The following PXDN variants were observed in gnomAD, a reference collection of about 807,000 sequenced individuals.
PXDN encodes peroxidasin homolog.
PXDN carries 77 observed loss-of-function variants against 140.3 expected under a neutral mutation model. That is an observed-to-expected ratio of 0.55 (90% CI 0.46 to 0.66). PXDN has a LOEUF of 0.66. Ranked by LOEUF, PXDN falls within the 30% of genes least tolerant of loss-of-function variation. PXDN has a pLI of 0.00. For missense variants in PXDN, 1,838 were observed against 2,039.5 expected, an observed-to-expected ratio of 0.90 and a Z score of 1.90; for synonymous variants, 911 against 857.4, an observed-to-expected ratio of 1.06 and a Z score of -1.09.
At chr2:1,729,422 C>G (rs944319823) in intron 1 of PXDN, among the ~76,000 whole-genome samples, 1 of 152,144 alleles carries the variant, frequency 6.6e-6, no homozygotes, top group African/African-American at 2.4e-5. Flanking sequence ...AGTCAGTCAC[C>G]ACTGCTCAGC....
At chr2:1,634,710 G>A (rs550490395) in intron 22 of PXDN, among the ~76,000 whole-genome samples, 1 of 152,168 alleles carries the variant, frequency 6.6e-6, no homozygotes, top group South Asian at 2.1e-4. Flanking sequence ...ACTAGAGAGA[G>A]GGGGGAAGGG....
At chr2:1,720,731 C>A (rs2125480497) in intron 1 of PXDN, among the ~76,000 whole-genome samples, 1 of 147,154 alleles carries the variant, frequency 6.8e-6, no homozygotes, top group Admixed American at 6.7e-5. Context: ...CTCTCACACA[C>A]ACACACACAC....
At chr2:1,654,335 T>A in intron 15 of PXDN, 65 bp downstream of exon 15, 2 of 1,130,122 alleles carry the variant, frequency 1.8e-6, no homozygotes, top group Non-Finnish European at 2.6e-6. Flanking sequence ...CATTCTTTAA[T>A]CACTCCCACC....
chr2:1,658,072 C>T (rs1331498770), intron 14 of PXDN, among the ~76,000 whole-genome samples: 1 of 95,548 alleles, frequency 1.0e-5, no homozygotes, highest in Non-Finnish European at 2.2e-5. Flanking sequence ...CTCTCTCTCT[C>T]TCTCTCTCTC....
chr2:1,643,550 A>G lies in PXDN; in HGVS notation c.3770T>C (p.Phe1257Ser), dbSNP rs1682778519. ...DRLWYENPGV[F>S]SPAQLTQIKQ... is the part of the protein sequence containing the mutation. ...GATCTGAGTCAGCTGGGCCGGGGAG[A>G]ACACCCCAGGGTTCTCATACCACAA... Residue 1257 changes from phenylalanine to serine, a missense_variant, in exon 19 of 23, where the codon TTC becomes TCC. By Grantham distance (155) the Phe-to-Ser change is radical. This residue lies in a region of PXDN where 850 missense variants were observed against 894.1 expected (regional missense o/e 0.95). Coordinates refer to ENST00000252804, the MANE Select transcript of PXDN (RefSeq NM_012293.3). The G allele has an allele frequency of 6.2e-7, 1 of 1,613,724 alleles. No individual in the cohort carries two copies. Among genetic ancestry groups the G allele is most frequent in the South Asian group, 1.1e-5 (1 of 91,072 alleles).
In PXDN at chr2:1,744,242, C is replaced by A. The variant is rs544702948; in HGVS notation, c.200+14G>T. ...CCCGGACCCCGCGCCCCCGGCGTCC[C>A]CCGCGGCACTCACAGGATGGAGGTC... On this transcript the variant is annotated intron_variant, in intron 1 of 22. Coordinates refer to ENST00000252804, the MANE Select transcript of PXDN (RefSeq NM_012293.3). The A allele has an allele frequency of 1.4e-6, 2 of 1,478,278 alleles. No homozygotes were observed. The highest frequency in any genetic ancestry group is 2.9e-5 in the African/African-American group (2 of 68,554). The allele number at this position is 1,478,278 out of a possible 1,614,324, so 91.6% of individuals were successfully genotyped here.
chr2:1,648,843 G>A lies in PXDN; in HGVS notation c.2937C>T (p.Asn979=). 1 of 1,601,024 alleles carries A rather than the reference G, an allele frequency of 6.2e-7. No individual in the cohort carries two copies. The highest frequency in any genetic ancestry group is 8.5e-7 in the Non-Finnish European group (1 of 1,176,472). ...GCATGCTGGTCAGGCCCAGCTGCTCGTTGGCGCGGTGGTCCCCGGCCAGGA... is the reference window on the plus strand; with the variant it reads ...GCATGCTGGTCAGGCCCAGCTGCTCATTGGCGCGGTGGTCCCCGGCCAGGA... The part of the protein sequence containing the change: ...PCFLAGDHRA[N]EQLGLTSMHT... The change falls in exon 17 of 23, where the codon AAC becomes AAT. Residue 979 remains asparagine (N), a synonymous_variant. Coordinates refer to ENST00000252804, the MANE Select transcript of PXDN (RefSeq NM_012293.3). The surrounding 1 kb of genome is among the most constrained non-coding windows in gnomAD (Gnocchi z 8.9).
chr2:1,653,355 T>C (rs946804575), intron 16 of PXDN: 2 of 462,074 alleles, frequency 4.3e-6, no homozygotes, highest in Non-Finnish European at 4.1e-6. Flanking sequence ...CTGGCCAGGA[T>C]GGCATAACCC....
At chr2:1,741,168 A>G (rs977757923) in intron 1 of PXDN, among the ~76,000 whole-genome samples, 2 of 152,126 alleles carry the variant, frequency 1.3e-5, no homozygotes, top group African/African-American at 4.8e-5. Context: ...CGTGACCGTG[A>G]AGAAGAATGT....
At chr2:1,741,591 G>A (rs1343397945) in intron 1 of PXDN, among the ~76,000 whole-genome samples, 2 of 152,106 alleles carry the variant, frequency 1.3e-5, no homozygotes, top group Non-Finnish European at 2.9e-5. Flanking sequence ...CACACTCCTG[G>A]AGCATTTGAG....
At chr2:1,656,135 A>G (rs912015267) in intron 14 of PXDN, among the ~76,000 whole-genome samples, 7 of 151,810 alleles carry the variant, frequency 4.6e-5, no homozygotes, top group African/African-American at 1.7e-4. Flanking sequence ...ACACAAACAC[A>G]CAACATACAC....
chr2:1,692,713 A>T (rs1329016423), intron 2 of PXDN: 1 of 436,614 alleles, frequency 2.3e-6, no homozygotes, highest in East Asian at 6.3e-5. Flanking sequence ...TGTCCTGCTC[A>T]ATCTTGCCAC....
rs376058666 is a variant in PXDN at position 1,660,946 on chromosome 2, C to T, written c.1772G>A (p.Arg591His). ...GGTGTTCCGGGCCACACACTCATAG[C>T]GACCTGCGTCTGCAGGGCCAACGTC... ...INDVGPADAGRYECVARNTIG... is the reference protein window; with the variant it reads ...INDVGPADAGHYECVARNTIG... Residue 591 changes from arginine to histidine, a missense_variant, in exon 14 of 23, where the codon CGC (arginine) becomes CAC (histidine). Transcript: ENST00000252804. This position sits in a 1 kb window ranked among gnomAD's most constrained non-coding sequence, Gnocchi z 4.6. 6.2e-6 allele frequency: 10 copies of T among 1,613,894 alleles called. No individual in the cohort carries two copies. Among genetic ancestry groups the T allele is most frequent in the African/African-American group, 2.7e-5 (2 of 74,944 alleles).
At chr2:1,684,891 T>G (rs553704217) in intron 4 of PXDN, among the ~76,000 whole-genome samples, 2 of 152,352 alleles carry the variant, frequency 1.3e-5, no homozygotes, top group African/African-American at 4.8e-5. Flanking sequence ...GTCTTCTCCC[T>G]GGGGTGCTCT....
intron 1 of PXDN, among the ~76,000 whole-genome samples, chr2:1,704,701 C>A (rs1399987911): frequency 6.6e-6 from 1 of 150,912 alleles, no homozygotes; most frequent in Non-Finnish European, 1.5e-5. Context: ...GCTTCCAGGT[C>A]ACAGGTAGAT....
At chr2:1,700,125 G>C (rs575696455) in intron 1 of PXDN, among the ~76,000 whole-genome samples, 1 of 152,034 alleles carries the variant, frequency 6.6e-6, no homozygotes, top group South Asian at 2.1e-4. Context: ...GGAGTGGCGC[G>C]ATCTCAGGTC....
chr2:1,737,137 G>C (rs1345320435), intron 1 of PXDN, among the ~76,000 whole-genome samples: 1 of 152,218 alleles, frequency 6.6e-6, no homozygotes, highest in African/African-American at 2.4e-5. Flanking sequence ...TCCACGGGCA[G>C]ATGACGCAGG....
chr2:1,688,181 CAG>C (rs1398754183), intron 3 of PXDN, among the ~76,000 whole-genome samples: 1 of 152,142 alleles, frequency 6.6e-6, no homozygotes, highest in Non-Finnish European at 1.5e-5. Context: ...TCTTAGAAAA[CAG>C]AAGCAACAGA....
At chr2:1,734,635 A>G (rs59893322) in intron 1 of PXDN, among the ~76,000 whole-genome samples, 38,737 of 152,120 alleles carry the variant, frequency 0.25, 5,275 homozygotes, top group East Asian at 0.59. Context: ...TTGGGAGGCC[A>G]AGGCGGGCGG....
Sources: gnomAD v4.1 joint callset for allele counts (sites outside exome capture counted in the v4.1 genomes callset) on GRCh38, gnomAD v4.1.1 for gene constraint, gnomAD v4.1.1 regional missense constraint, Gnocchi (gnomAD v3.1) non-coding constraint, MANE v1.5 for transcripts, NCBI Gene and HGNC (gene_info 2026-07-23, HGNC 2026-07-21) for gene names.